The following UBAC2 variants were observed in gnomAD, a reference collection of about 807,000 sequenced individuals.
UBAC2 encodes UBA domain containing 2, also known as ubiquitin-associated domain-containing protein 2.
UBAC2 carries 26 observed loss-of-function variants against 44.0 expected under a neutral mutation model. That is an observed-to-expected ratio of 0.59 (90% confidence interval 0.43 to 0.82). The LOEUF is 0.82. Ranked by LOEUF, UBAC2 falls within the 40% of genes least tolerant of loss-of-function variation. The pLI is 0.00. For synonymous variants in UBAC2, 155 were observed against 154.3 expected, an observed-to-expected ratio of 1.00 and a Z score of -0.04; for missense variants, 329 against 419.4, an observed-to-expected ratio of 0.78 and a Z score of 1.88.
intron 4 of UBAC2, among the ~76,000 whole-genome samples, chr13:99,276,266 A>G (rs1036840230): frequency 1.3e-5 from 2 of 152,140 alleles, no homozygotes; most frequent in African/African-American, 4.8e-5. Flanking sequence ...CCTACAAGTC[A>G]AAGAGCTCAG....
chr13:99,351,669 C>G (rs1465281662), intron 7 of UBAC2: 1 of 456,638 alleles, frequency 2.2e-6, no homozygotes, highest in Non-Finnish European at 4.4e-6. Context: ...GGGGATAAAA[C>G]TTTCCATTAG....
chr13:99,234,657 T>C (rs1309242617), intron 1 of UBAC2, among the ~76,000 whole-genome samples: 1 of 152,204 alleles, frequency 6.6e-6, no homozygotes, highest in East Asian at 1.9e-4. Flanking sequence ...GGGCCCCAGG[T>C]CCTTTCCCTT....
At chr13:99,250,143 T>A (rs1205194936) in intron 4 of UBAC2, among the ~76,000 whole-genome samples, 1 of 152,222 alleles carries the variant, frequency 6.6e-6, no homozygotes, top group African/African-American at 2.4e-5. Flanking sequence ...CCAAGGCCGA[T>A]GTCCAGAATG....
intron 6 of UBAC2, among the ~76,000 whole-genome samples, chr13:99,322,564 C>T (rs559391571): frequency 6.6e-6 from 1 of 152,236 alleles, no homozygotes; most frequent in African/African-American, 2.4e-5. Flanking sequence ...CTATATTCCT[C>T]AGACTTCTCC....
chr13:99,210,025 G>A (rs952884069), intron 1 of UBAC2, among the ~76,000 whole-genome samples: 3 of 152,126 alleles, frequency 2.0e-5, no homozygotes, highest in African/African-American at 7.2e-5. Context: ...GCATTAACTA[G>A]GGAGGGACAA....
intron 8 of UBAC2, among the ~76,000 whole-genome samples, chr13:99,383,838 G>A: frequency 6.6e-6 from 1 of 152,236 alleles, no homozygotes; most frequent in Admixed American, 6.5e-5. Flanking sequence ...AAGGCTTTTG[G>A]GGGAGGAGGG....
At chr13:99,224,396 G>A (rs77615948) in intron 1 of UBAC2, among the ~76,000 whole-genome samples, 14,706 of 152,180 alleles carry the variant, frequency 0.097, 966 homozygotes, top group Non-Finnish European at 0.15. Flanking sequence ...AGGAGGAAAC[G>A]TTCAGTCCAT....
intron 4 of UBAC2, among the ~76,000 whole-genome samples, chr13:99,292,193 TG>T (rs1296488642): frequency 6.6e-6 from 1 of 151,840 alleles, no homozygotes; most frequent in African/African-American, 2.4e-5. Context: ...TGGAGTGCAG[TG>T]GTGCAATCTC....
At chr13:99,240,697 G>A (rs562186807) in intron 2 of UBAC2, among the ~76,000 whole-genome samples, 1 of 152,072 alleles carries the variant, frequency 6.6e-6, no homozygotes, top group Admixed American at 6.6e-5. Context: ...GTGTGACTCC[G>A]GTACTGTTTC....
At chr13:99,239,318 T>C (rs952534258) in intron 2 of UBAC2, among the ~76,000 whole-genome samples, 8 of 152,376 alleles carry the variant, frequency 5.3e-5, no homozygotes, top group African/African-American at 1.7e-4. Context: ...GCTTCTGTAT[T>C]ATTTCAGTTG....
chr13:99,295,202 T>C lies in UBAC2; in HGVS notation c.390-18895T>C, dbSNP rs1451161662. ...CAGCATCCTCATAACCTTTCTCTTATACCCTTTACATGCAAAGAAGTAGAT... is the reference window on the plus strand; with the variant it reads ...CAGCATCCTCATAACCTTTCTCTTACACCCTTTACATGCAAAGAAGTAGAT... On this transcript the variant is annotated intron_variant, in intron 4 of 8. Transcript: ENST00000403766. This position sits in a 1 kb window ranked among gnomAD's most constrained non-coding sequence, Gnocchi z 4.1. 8 of 1,614,158 alleles carry C rather than the reference T, an allele frequency of 5.0e-6. No homozygotes were observed. The highest frequency in any genetic ancestry group is 5.9e-6 in the Non-Finnish European group (7 of 1,180,014).
In UBAC2 at chr13:99,332,857, A is replaced by G. The variant is rs182508606; in HGVS notation, c.562-7463A>G. On this transcript the variant is annotated intron_variant, in intron 6 of 8. Coordinates refer to ENST00000403766, the MANE Select transcript of UBAC2 (RefSeq NM_001144072.2). The stretch of plus-strand genomic sequence containing the variant: ...TTGGTAGAGTTCCCCCAGCCCCCTG[A>G]CACACAAATCCAACATATGGTCTTT... Among the ~76,000 whole-genome samples, 14 of 152,334 alleles carry G rather than the reference A, an allele frequency of 9.2e-5. 1 individual carries two copies. The East Asian group carries it at 1.2e-3, about 13-fold the overall frequency.
At chr13:99,225,884 C>T (rs781096249) in intron 1 of UBAC2, among the ~76,000 whole-genome samples, 2 of 152,066 alleles carry the variant, frequency 1.3e-5, no homozygotes, top group Non-Finnish European at 2.9e-5. Context: ...TATTTGGCAG[C>T]GTTTATTTTT....
At chr13:99,246,617 A>C (rs16956405) in intron 4 of UBAC2, among the ~76,000 whole-genome samples, 3,653 of 152,312 alleles carry the variant, frequency 0.024, 159 homozygotes, top group African/African-American at 0.083. Flanking sequence ...ATCGAATGAC[A>C]GTAGAACTTT....
intron 8 of UBAC2, among the ~76,000 whole-genome samples, chr13:99,376,708 A>G (rs569747892): frequency 2.6e-5 from 4 of 152,308 alleles, no homozygotes; most frequent in Admixed American, 6.5e-5. Flanking sequence ...CTGGCTTCTC[A>G]ATGAAGTTAG....
At chr13:99,242,834 C>A (rs1300076329) in intron 2 of UBAC2, among the ~76,000 whole-genome samples, 1 of 136,326 alleles carries the variant, frequency 7.3e-6, no homozygotes, top group Admixed American at 7.3e-5. Context: ...ACTTCTCAGA[C>A]GGGGCGGCCG....
chr13:99,290,938 A>G (rs1213746023), intron 4 of UBAC2, among the ~76,000 whole-genome samples: 6 of 151,976 alleles, frequency 3.9e-5, no homozygotes, highest in Non-Finnish European at 8.8e-5. Context: ...AGATGTGGTG[A>G]TGGGGAGATG....
At chr13:99,267,737 T>C (rs547092709) in intron 4 of UBAC2, among the ~76,000 whole-genome samples, 3 of 152,356 alleles carry the variant, frequency 2.0e-5, no homozygotes, top group African/African-American at 7.2e-5. Flanking sequence ...GCTGTTCTGA[T>C]TAATATTTTA....
chr13:99,285,407 T>A (rs1286406605), intron 4 of UBAC2, among the ~76,000 whole-genome samples: 1 of 151,336 alleles, frequency 6.6e-6, no homozygotes, highest in South Asian at 2.1e-4. Context: ...TTTTTTTTTT[T>A]AAGAGACAAT....
Sources: allele counts gnomAD v4.1 joint callset (sites outside exome capture counted in the v4.1 genomes callset), GRCh38; gene constraint gnomAD v4.1.1; non-coding constraint Gnocchi (gnomAD v3.1); transcripts MANE v1.5; gene names NCBI Gene and HGNC (gene_info 2026-07-23, HGNC 2026-07-21).